IMPG2: variants seen among roughly 807,000 people sequenced by gnomAD.
IMPG2 encodes the protein interphotoreceptor matrix proteoglycan 2, also known as IPM 200.
IMPG2 carries 91 observed loss-of-function variants against 129.2 expected under a neutral mutation model. The ratio of observed to expected loss-of-function variants is 0.70; its 90% CI spans 0.59 to 0.84. The LOEUF is 0.84. IMPG2 is among the 40% of genes least tolerant of loss of function. The pLI, the probability that IMPG2 is intolerant of heterozygous loss-of-function variation, is 0.00. For synonymous variants in IMPG2, 510 were observed against 517.7 expected, an observed-to-expected ratio of 0.99 and a Z score of 0.20; for missense variants, 1,430 against 1,461.7, an observed-to-expected ratio of 0.98 and a Z score of 0.35.
At chr3:101,229,321 C>CGG in intron 17 of IMPG2, 59 bp downstream of exon 17, 1 of 864,558 alleles carries the variant, frequency 1.2e-6, no homozygotes, top group Non-Finnish European at 1.8e-6. Context: ...CCACCCCCTG[C>CGG]TCCCCCACAC....
intron 18 of IMPG2, among the ~76,000 whole-genome samples, chr3:101,227,271 T>A (rs757781992): frequency 8.5e-5 from 13 of 152,220 alleles, no homozygotes; most frequent in Non-Finnish European, 1.6e-4. Context: ...TTGGATTACA[T>A]GCCTGACATC....
chr3:101,256,117 AAAGAAAGAG>A (rs1706596953), intron 10 of IMPG2, among the ~76,000 whole-genome samples: 1 of 148,714 alleles, frequency 6.7e-6, no homozygotes, highest in African/African-American at 2.5e-5. Flanking sequence ...AAAGAAAGAA[AAAGAAAGAG>A]AGAAAGAAAG....
At chr3:101,234,905 T>C (rs1320708707) in intron 14 of IMPG2, among the ~76,000 whole-genome samples, 1 of 152,238 alleles carries the variant, frequency 6.6e-6, no homozygotes, top group Non-Finnish European at 1.5e-5. Context: ...ATATCCCTTA[T>C]CTAAAATTCT....
At chr3:101,306,155 GATAA>G (rs1343840213) in intron 2 of IMPG2, among the ~76,000 whole-genome samples, 7 of 152,042 alleles carry the variant, frequency 4.6e-5, no homozygotes, top group African/African-American at 1.7e-4. Flanking sequence ...TTTTTAACAG[GATAA>G]ATAATTACTG....
chr3:101,242,990 A>T, intron 13 of IMPG2, 83 bp from the exon 14 acceptor site: 1 of 1,070,246 alleles, frequency 9.3e-7, no homozygotes, highest in Non-Finnish European at 1.4e-6. Flanking sequence ...AAACAAAAAC[A>T]CAGGTAAGAC....
intron 11 of IMPG2, among the ~76,000 whole-genome samples, chr3:101,247,414 ATG>A (rs1706492036): frequency 6.6e-6 from 1 of 152,174 alleles, no homozygotes. Context: ...CCTGATCAAC[ATG>A]GAGAAACCCC....
At position 101,272,120 on chromosome 3, in the gene IMPG2, CAT is replaced by C. The variant is rs1553683421; in HGVS notation, c.828+1459_828+1460del. Among the ~76,000 whole-genome samples the C allele has an allele frequency of 2.4e-3, 313 of 131,996 alleles. 1 individual carries two copies. The highest frequency in any genetic ancestry group is 7.9e-3 in the African/African-American group (285 of 36,140). The allele number at this position is 131,996 out of a possible 152,430, so 86.6% of individuals were successfully genotyped here. On this transcript the variant is annotated intron_variant, in intron 7 of 18. Transcript: ENST00000193391. ...ACACGCACACACACACACACACACA[CAT>C]ACACACACACACAGACACACAAAGA... is the stretch of plus-strand genomic sequence containing the variant.
intron 9 of IMPG2, among the ~76,000 whole-genome samples, chr3:101,258,304 G>T (rs1326190188): frequency 6.6e-6 from 1 of 152,020 alleles, no homozygotes; most frequent in East Asian, 1.9e-4. Context: ...TGTTGTGCTG[G>T]AGTATTTTCT....
intron 14 of IMPG2, among the ~76,000 whole-genome samples, chr3:101,239,724 TGAA>T (rs1481438414): frequency 6.6e-6 from 1 of 152,218 alleles, no homozygotes. Flanking sequence ...TATACACCAT[TGAA>T]TACTATGCAG....
chr3:101,256,647 C>T (rs1190073530), intron 10 of IMPG2, among the ~76,000 whole-genome samples: 1 of 152,088 alleles, frequency 6.6e-6, no homozygotes, highest in East Asian at 1.9e-4. Flanking sequence ...AGGCTCTTTC[C>T]TCTTTAAAAT....
intron 8 of IMPG2, among the ~76,000 whole-genome samples, chr3:101,267,974 A>G (rs1706739672): frequency 6.6e-6 from 1 of 152,174 alleles, no homozygotes; most frequent in Non-Finnish European, 1.5e-5. Flanking sequence ...ATAACCTTTA[A>G]TATTTATTAT....
intron 4 of IMPG2, among the ~76,000 whole-genome samples, chr3:101,286,424 T>C (rs482436): frequency 0.73 from 110,211 of 151,998 alleles, 40,915 homozygotes; most frequent in East Asian, 0.84. Flanking sequence ...ATATCCAATC[T>C]AGAAAAATAA....
At chr3:101,276,492 C>G (rs1036017299) in intron 5 of IMPG2, among the ~76,000 whole-genome samples, 172 bp downstream of exon 5, 13 of 151,916 alleles carry the variant, frequency 8.6e-5, no homozygotes, top group Non-Finnish European at 1.8e-4. Context: ...AACATAATGC[C>G]ATAAAATAAA....
chr3:101,292,949 CTCA>C (rs1707038304), intron 3 of IMPG2, among the ~76,000 whole-genome samples: 1 of 152,164 alleles, frequency 6.6e-6, no homozygotes, highest in Admixed American at 6.5e-5. Context: ...GCAATTTAGC[CTCA>C]TCTTCAGGCT....
rs1169183275 is a variant in IMPG2, at chr3:101,223,843, T to C, written c.*3126A>G. 1.3e-5 allele frequency: 2 copies of C among 152,236 alleles called. No homozygotes were observed. The highest frequency in any genetic ancestry group is 2.9e-5 in the Non-Finnish European group (2 of 68,060). The allele number at this position is 152,236 out of a possible 1,614,324, so 9.4% of individuals were successfully genotyped here. On this transcript the variant is annotated 3_prime_UTR_variant, in exon 19 of 19. Coordinates refer to ENST00000193391, the MANE Select transcript of IMPG2 (RefSeq NM_016247.4). ...GGTAAAGCCTGCACTTGTTTTATTA[T>C]ATAAATTAAATGGGGCCAGGTGCGG...
chr3:101,312,534 G>T (rs1039632408), intron 2 of IMPG2, among the ~76,000 whole-genome samples: 5 of 152,044 alleles, frequency 3.3e-5, no homozygotes, highest in African/African-American at 1.2e-4. Flanking sequence ...TGCTGGCAAA[G>T]ATATGACTAA....
Position 101,288,420 on chromosome 3 carries a change from A to G in IMPG2, c.533+3059T>C, listed in dbSNP as rs1384464176. Among the ~76,000 whole-genome samples, 3 of 152,200 alleles carry G rather than the reference A, an allele frequency of 2.0e-5. No individual in the cohort carries two copies. The East Asian group carries it at 5.8e-4, about 29-fold the overall frequency. On this transcript the variant is annotated intron_variant, in intron 4 of 18. Transcript: ENST00000193391. ...TGCACTCATATGTTCATCATTAGCT[A>G]TTCATAACAGCAAAAACATGGAATC... is the stretch of plus-strand genomic sequence containing the variant.
At chr3:101,287,421 C>G (rs1379682198) in intron 4 of IMPG2, among the ~76,000 whole-genome samples, 1 of 152,152 alleles carries the variant, frequency 6.6e-6, no homozygotes, top group Non-Finnish European at 1.5e-5. Context: ...AAAAAAGAGC[C>G]TGAATAGCCA....
rs1267216120 is a variant in IMPG2 at position 101,243,972 on chromosome 3, T to C, written c.2359A>G (p.Thr787Ala). The change falls in exon 13 of 19, where the codon ACT becomes GCT. Residue 787 changes from threonine to alanine, a missense_variant. Transcript: ENST00000193391. The stretch of plus-strand genomic sequence containing the variant: ...CTGGACAATTTCTCTAGGGAAGAAG[T>C]TCTTGTCCAAACTCTCTCTGATTCT... ...LPESERVWTR[T>A]SSLEKLSRDI... 1.9e-6 allele frequency: 3 copies of C among 1,614,060 alleles called. No individual in the cohort carries two copies. In the African/African-American group the frequency reaches 4.0e-5, roughly 22 times the overall value.
Sources: gnomAD v4.1 joint callset for allele counts (sites outside exome capture counted in the v4.1 genomes callset) on GRCh38, gnomAD v4.1.1 for gene constraint, MANE v1.5 for transcripts, NCBI Gene and HGNC (gene_info 2026-07-23, HGNC 2026-07-21) for gene names.